The following NRXN3 variants were observed in gnomAD, a reference collection of about 807,000 sequenced individuals.
NRXN3 encodes neurexin III.
Under a neutral mutation model 137.6 loss-of-function variants are expected in NRXN3, and 32 were observed. The observed-to-expected ratio is 0.23, with a 90% CI of 0.18 to 0.31. The LOEUF is 0.31. Ranked by LOEUF, NRXN3 falls within the 10% of genes least tolerant of loss-of-function variation. The pLI is 1.00. For synonymous variants in NRXN3, 798 were observed against 784.5 expected (o/e 1.02, Z -0.29); for missense variants, 1,574 against 2,062.5 (o/e 0.76, Z 4.59).
intron 9 of NRXN3, among the ~76,000 whole-genome samples, chr14:78,805,014 A>G (rs1021245643): frequency 1.6e-4 from 25 of 152,258 alleles, no homozygotes; most frequent in Non-Finnish European, 1.9e-4. Flanking sequence ...GTAGGCCCAC[A>G]TGTCCTGGTG....
At chr14:78,439,084 G>C (rs2094161330) in intron 4 of NRXN3, among the ~76,000 whole-genome samples, 1 of 152,080 alleles carries the variant, frequency 6.6e-6, no homozygotes, top group Non-Finnish European at 1.5e-5. Flanking sequence ...TTGGCACGGG[G>C]TTGTTTGTAG....
At chr14:79,641,464 T>C (rs2098433986) in intron 16 of NRXN3, among the ~76,000 whole-genome samples, 1 of 135,610 alleles carries the variant, frequency 7.4e-6, no homozygotes, top group Admixed American at 7.8e-5. Context: ...AACAAACCAC[T>C]GAAATTCAGT....
At chr14:78,305,603 C>T (rs1003744303) in intron 4 of NRXN3, among the ~76,000 whole-genome samples, 2 of 152,246 alleles carry the variant, frequency 1.3e-5, no homozygotes, top group Non-Finnish European at 1.5e-5. Context: ...AGGAGCTGAG[C>T]CCCCTCTTGT....
rs1176631516 is a variant in NRXN3, at chr14:78,254,410, G to A, written c.709+10608G>A. ...GACAAAAACATGGGGGCTGGGGACG[G>A]TGGCTCATGCCTGTAATCCCAGCAC... On this transcript the variant is annotated intron_variant, in intron 2 of 20. Coordinates refer to ENST00000335750, the MANE Select transcript of NRXN3 (RefSeq NM_001330195.2). Among the ~76,000 whole-genome samples, 3 of 152,322 alleles carry A rather than the reference G, an allele frequency of 2.0e-5. 1 individual carries two copies. The highest frequency in any genetic ancestry group is 2.0e-4 in the Admixed American group (3 of 15,302).
At chr14:78,633,830 T>C (rs1246438716) in intron 4 of NRXN3, among the ~76,000 whole-genome samples, 2 of 152,202 alleles carry the variant, frequency 1.3e-5, no homozygotes, top group Non-Finnish European at 2.9e-5. Flanking sequence ...AAAGTTTTCA[T>C]TGTGTCATAA....
chr14:79,164,123 C>G (rs900522817), intron 15 of NRXN3, among the ~76,000 whole-genome samples: 17 of 151,870 alleles, frequency 1.1e-4, no homozygotes. Flanking sequence ...TCTATGTAGT[C>G]CCTTGTATTG....
At chr14:78,212,046 G>C (rs2062804753) in intron 1 of NRXN3, among the ~76,000 whole-genome samples, 1 of 152,208 alleles carries the variant, frequency 6.6e-6, no homozygotes, top group African/African-American at 2.4e-5. Flanking sequence ...GGAAAGTATA[G>C]ATGGAGCTGG....
At chr14:78,332,514 C>T (rs1300187501) in intron 4 of NRXN3, among the ~76,000 whole-genome samples, 2 of 152,042 alleles carry the variant, frequency 1.3e-5, no homozygotes, top group African/African-American at 4.8e-5. Flanking sequence ...TGGGGTTTCA[C>T]CATGTTGGCC....
chr14:79,662,241 C>T (rs2098537796), intron 16 of NRXN3, among the ~76,000 whole-genome samples: 2 of 152,182 alleles, frequency 1.3e-5, no homozygotes, highest in African/African-American at 2.4e-5. Context: ...TCCTTGAATG[C>T]CCAACATATT....
At chr14:79,824,783 G>A (rs2099287916) in intron 20 of NRXN3, among the ~76,000 whole-genome samples, 1 of 152,102 alleles carries the variant, frequency 6.6e-6, no homozygotes, top group African/African-American at 2.4e-5. Flanking sequence ...GGTTTTGTTA[G>A]TATTTGAATT....
At chr14:78,585,544 C>G (rs2097053905) in intron 4 of NRXN3, among the ~76,000 whole-genome samples, 2 of 152,112 alleles carry the variant, frequency 1.3e-5, no homozygotes, top group South Asian at 4.1e-4. Context: ...AGTTAGGAGA[C>G]TATTGTCATA....
At chr14:78,375,718 G>A (rs1318428555) in intron 4 of NRXN3, among the ~76,000 whole-genome samples, 76 of 152,302 alleles carry the variant, frequency 5.0e-4, no homozygotes, top group Non-Finnish European at 7.4e-5. Context: ...TTTTAGATAA[G>A]GTCATTAGGG....
chr14:79,014,407 C>A (rs902142771), intron 15 of NRXN3, among the ~76,000 whole-genome samples: 1 of 152,152 alleles, frequency 6.6e-6, no homozygotes, highest in Non-Finnish European at 1.5e-5. Context: ...TAGCCTCTAA[C>A]TCCATTCATG....
chr14:79,446,229 T>G (rs2096061896), intron 15 of NRXN3, among the ~76,000 whole-genome samples: 1 of 152,168 alleles, frequency 6.6e-6, no homozygotes, highest in African/African-American at 2.4e-5. Flanking sequence ...CAGTAATTAG[T>G]TTTGAGGTCT....
At chr14:79,231,548 A>G (rs181154927) in intron 15 of NRXN3, among the ~76,000 whole-genome samples, 1 of 152,256 alleles carries the variant, frequency 6.6e-6, no homozygotes, top group African/African-American at 2.4e-5. Context: ...TAGATGGAGG[A>G]TGGCAATGCT....
chr14:79,822,331 G>A (rs1407848439), intron 20 of NRXN3, among the ~76,000 whole-genome samples: 1 of 152,160 alleles, frequency 6.6e-6, no homozygotes, highest in African/African-American at 2.4e-5. Flanking sequence ...GGACAATATG[G>A]TGAGTCTGCA....
At chr14:78,951,060 A>G (rs1416503600) in intron 10 of NRXN3, among the ~76,000 whole-genome samples, 3 of 151,858 alleles carry the variant, frequency 2.0e-5, no homozygotes, top group African/African-American at 7.3e-5. Flanking sequence ...AGTCCTGTTG[A>G]CTCCACCTCT....
chr14:79,447,037 G>A (rs1368829981), intron 15 of NRXN3, among the ~76,000 whole-genome samples: 1 of 152,176 alleles, frequency 6.6e-6, no homozygotes, highest in African/African-American at 2.4e-5. Context: ...TCCCCTGGTT[G>A]TGGACTGTAA....
At chr14:78,338,428 G>A (rs945444948) in intron 4 of NRXN3, among the ~76,000 whole-genome samples, 1 of 152,154 alleles carries the variant, frequency 6.6e-6, no homozygotes, top group South Asian at 2.1e-4. Context: ...GAGCCCCTTT[G>A]GGCCTGTGTT....
Sources: allele counts gnomAD v4.1 joint callset (sites outside exome capture counted in the v4.1 genomes callset), GRCh38; gene constraint gnomAD v4.1.1; transcripts MANE v1.5; gene names NCBI Gene and HGNC (gene_info 2026-07-23, HGNC 2026-07-21).